VPS37C: variants seen among roughly 807,000 people sequenced by gnomAD.
VPS37C encodes the protein VPS37C subunit of ESCRT-I.
In VPS37C, 9 loss-of-function variants were observed where a neutral mutation model predicts 16.1. The ratio of observed to expected loss-of-function variants is 0.56; its 90% CI spans 0.34 to 0.97. VPS37C has a LOEUF of 0.97. Among genes scored for constraint, VPS37C ranks in the 50% least tolerant of loss-of-function variants. The pLI is 0.02. For missense variants in VPS37C, 479 were observed against 472.7 expected, an observed-to-expected ratio of 1.01 and a Z score of -0.12; for synonymous variants, 207 against 206.4, an observed-to-expected ratio of 1.00 and a Z score of -0.02.
At chr11:61,132,987 TG>T in intron 4 of VPS37C, 2 of 578,750 alleles carry the variant, frequency 3.5e-6, no homozygotes, top group African/African-American at 1.9e-5. Flanking sequence ...CCTCAGCCCC[TG>T]GGGGCCTCCT....
intron 1 of VPS37C, among the ~76,000 whole-genome samples, chr11:61,153,232 G>A (rs183011613): frequency 7.2e-5 from 11 of 152,304 alleles, no homozygotes; most frequent in Admixed American, 3.9e-4. Context: ...TGCTGTTCTC[G>A]TGACAGTGAA....
chr11:61,132,063 G>A lies in VPS37C; in HGVS notation c.825C>T (p.Thr275=). 7.2e-7 allele frequency: 1 copy of A among 1,391,632 alleles called. No individual in the cohort carries two copies. Among genetic ancestry groups the A allele is most frequent in the Non-Finnish European group, 9.4e-7 (1 of 1,068,840 alleles). 86.2% of individuals were successfully genotyped at this position (1,391,632 alleles called of 1,614,324 possible). A position where few individuals can be genotyped will look rare whatever the true frequency, so the allele number is the denominator to read the frequency against. The change falls in exon 5 of 5, where the codon ACC becomes ACT. Residue 275 remains threonine (T), a synonymous_variant. Transcript: ENST00000301765. ...SMPPRPGYPG[T]PMGASGPGYP... is the part of the protein sequence containing the mutation. ...ACCCAGGCCCAGAGGCACCCATTGG[G>A]GTCCCAGGATAGCCCGGCCGGGGTG... is the stretch of plus-strand genomic sequence containing the variant.
chr11:61,142,383 CG>C (rs59961656), intron 1 of VPS37C, among the ~76,000 whole-genome samples: 11,316 of 152,096 alleles, frequency 0.074, 1,124 homozygotes, highest in African/African-American at 0.23. Flanking sequence ...AGGCATGTGC[CG>C]CCACACCCAG....
chr11:61,139,857 C>A (rs1448584155), intron 1 of VPS37C, among the ~76,000 whole-genome samples: 1 of 151,842 alleles, frequency 6.6e-6, no homozygotes, highest in African/African-American at 2.4e-5. Context: ...GATCCTCCCA[C>A]CTCAACCTCC....
intron 4 of VPS37C, chr11:61,132,897 G>C (rs1411038303): frequency 5.7e-6 from 3 of 526,466 alleles, no homozygotes; most frequent in African/African-American, 3.8e-5. Context: ...ACACAGAGTG[G>C]ACAGCACCAG....
chr11:61,152,337 C>G (rs888443885), intron 1 of VPS37C, among the ~76,000 whole-genome samples: 4 of 152,148 alleles, frequency 2.6e-5, no homozygotes, highest in African/African-American at 9.7e-5. Context: ...AAAGAGAAAC[C>G]AAGCCAGGGC....
chr11:61,149,097 T>C (rs1175920424), intron 1 of VPS37C, among the ~76,000 whole-genome samples: 5 of 152,332 alleles, frequency 3.3e-5, no homozygotes, highest in South Asian at 4.1e-4. Context: ...CTAGCTAACA[T>C]GGTGAAACCC....
rs147684848 is a variant in VPS37C, at chr11:61,147,551, G to T, written c.-6-8716C>A. On this transcript the variant is annotated intron_variant, in intron 1 of 4. Transcript: ENST00000301765. ...ACCGGGGTGGAAGGGGAACTCTGGGGAGGGTTCAAACTTGGGGCAGCCTTC... is the reference window on the plus strand; with the variant it reads ...ACCGGGGTGGAAGGGGAACTCTGGGTAGGGTTCAAACTTGGGGCAGCCTTC... Among the ~76,000 whole-genome samples, 3 of 152,174 alleles carry T rather than the reference G, an allele frequency of 2.0e-5. No homozygotes were observed. In the East Asian group the frequency reaches 5.8e-4, roughly 29 times the overall value.
chr11:61,148,162 CAGG>C (rs1374326402), intron 1 of VPS37C, among the ~76,000 whole-genome samples: 2 of 152,288 alleles, frequency 1.3e-5, no homozygotes, highest in African/African-American at 2.4e-5. Flanking sequence ...TGAGATCGTG[CAGG>C]AGGATTCCAG....
intron 1 of VPS37C, among the ~76,000 whole-genome samples, chr11:61,159,731 T>TA (rs1377853607): frequency 6.1e-4 from 38 of 62,136 alleles, no homozygotes; most frequent in African/African-American, 2.0e-3. Context: ...AATAAATAAA[T>TA]AAATAAATAA....
intron 1 of VPS37C, among the ~76,000 whole-genome samples, chr11:61,155,420 G>A (rs966637414): frequency 1.3e-5 from 2 of 151,412 alleles, no homozygotes; most frequent in African/African-American, 4.9e-5. Context: ...GATCACTTGA[G>A]CCCAGAAGTT....
At chr11:61,141,093 G>A (rs1861465392) in intron 1 of VPS37C, among the ~76,000 whole-genome samples, 1 of 152,164 alleles carries the variant, frequency 6.6e-6, no homozygotes, top group Admixed American at 6.5e-5. Flanking sequence ...GCTGGGCCAG[G>A]TGCAGTGGCT....
chr11:61,132,364 G>A lies in VPS37C; in HGVS notation c.524C>T (p.Pro175Leu), dbSNP rs1861284467. The part of the protein sequence containing the change: ...ELAGDAPPPR[P>L]PPPVRPVPQG... Reference sequence around the variant, plus strand: ...GGGGACTGGGCGCACCGGGGGTGGTGGACGGGGTGGAGGGGCATCGCCGGC... The same window carrying A: ...GGGGACTGGGCGCACCGGGGGTGGTAGACGGGGTGGAGGGGCATCGCCGGC... The change falls in exon 5 of 5, where the codon CCA becomes CTA. Residue 175 changes from proline to leucine, a missense_variant. Coordinates refer to ENST00000301765, the MANE Select transcript of VPS37C (RefSeq NM_017966.5). The A allele has an allele frequency of 1.1e-5, 17 of 1,599,376 alleles. No homozygotes were observed. The highest frequency in any genetic ancestry group is 1.4e-5 in the Non-Finnish European group (17 of 1,172,714).
intron 1 of VPS37C, among the ~76,000 whole-genome samples, chr11:61,149,518 T>C (rs995990932): frequency 6.6e-6 from 1 of 152,122 alleles, no homozygotes; most frequent in African/African-American, 2.4e-5. Context: ...CCAGGCAGTA[T>C]TAATTCCCAC....
Position 61,136,966 on chromosome 11 carries a change from G to A in VPS37C, c.93+1771C>T, listed in dbSNP as rs182447098. ...GGAGGCTGCAGTGAGCCATGATGGC[G>A]CCATTGCACTCCAGCCTGGGTGACA... On this transcript the variant is annotated intron_variant, in intron 2 of 4. Coordinates refer to ENST00000301765, the MANE Select transcript of VPS37C (RefSeq NM_017966.5). 3.4e-3 allele frequency among the ~76,000 whole-genome samples: 518 copies of A among 152,214 alleles called. 3 individuals are homozygous for A. The highest frequency in any genetic ancestry group is 0.012 in the African/African-American group (491 of 41,528).
Position 61,149,799 on chromosome 11 carries a change from G to A in VPS37C, c.-6-10964C>T, listed in dbSNP as rs181746296. On this transcript the variant is annotated intron_variant, in intron 1 of 4. Coordinates refer to ENST00000301765, the MANE Select transcript of VPS37C (RefSeq NM_017966.5). ...ACAACTGAATGCTCCTCAATCCACT[G>A]AAAAACTCCATCTGACCCCCCTTTG... Among the ~76,000 whole-genome samples the A allele has an allele frequency of 6.7e-4, 102 of 152,288 alleles. No individual in the cohort carries two copies. In the Middle Eastern group the frequency reaches 0.014, roughly 20 times the overall value.
chr11:61,142,068 T>G (rs1172930239), intron 1 of VPS37C, among the ~76,000 whole-genome samples: 1 of 152,160 alleles, frequency 6.6e-6, no homozygotes, highest in Non-Finnish European at 1.5e-5. Context: ...CCACCAGATG[T>G]TTGACAAGTA....
At chr11:61,160,111 T>C (rs1853447117) in intron 1 of VPS37C, among the ~76,000 whole-genome samples, 1 of 152,128 alleles carries the variant, frequency 6.6e-6, no homozygotes, top group Non-Finnish European at 1.5e-5. Flanking sequence ...CAGCTATTGC[T>C]ACCTGCAAAA....
chr11:61,132,616 A>G, intron 4 of VPS37C, 77 bp from the exon 5 acceptor site: 2 of 1,512,012 alleles, frequency 1.3e-6, no homozygotes, highest in East Asian at 2.3e-5. Context: ...GTCTGAGTTC[A>G]GCTGCAGCCC....
Sources: gnomAD v4.1 joint callset for allele counts (sites outside exome capture counted in the v4.1 genomes callset) on GRCh38, gnomAD v4.1.1 for gene constraint, MANE v1.5 for transcripts, NCBI Gene and HGNC (gene_info 2026-07-23, HGNC 2026-07-21) for gene names.